Variants in GOT2 observed in about 807,000 individuals in gnomAD.
GOT2 encodes the protein aspartate aminotransferase, mitochondrial.
A neutral mutation model predicts 50.0 loss-of-function variants in GOT2; 17 were observed. That is an observed-to-expected ratio of 0.34 (90% CI 0.23 to 0.51). The LOEUF (loss-of-function observed/expected upper bound fraction) is 0.51, where lower values mean the gene tolerates loss of function less well. GOT2 is among the 20% of genes least tolerant of loss of function. The probability of loss-of-function intolerance (pLI) is 0.97; values close to 1 mark genes in which losing one functional copy is unlikely to be tolerated. For missense variants in GOT2, 430 were observed against 559.6 expected (o/e 0.77, Z 2.34); for synonymous variants, 172 against 204.9 (o/e 0.84, Z 1.37).
In GOT2 at chr16:58,716,438, G is replaced by A. The variant is rs928107996; in HGVS notation, c.853+225C>T. On this transcript the variant is annotated intron_variant, in intron 7 of 9. Transcript: ENST00000245206. ...TTGTTACTTTTTGTTTAGAGAAGCA[G>A]TAATCAGTTTCCTTTGCTGGAAAAA... The A allele has an allele frequency of 2.8e-5, 17 of 603,422 alleles. No individual in the cohort carries two copies. In the African/African-American group the frequency reaches 3.2e-4, roughly 11 times the overall value. The allele number at this position is 603,422 out of a possible 1,614,324, so 37.4% of individuals were successfully genotyped here.
chr16:58,709,700 C>CG, intron 8 of GOT2, 133 bp from the exon 9 acceptor site: 1 of 612,056 alleles, frequency 1.6e-6, no homozygotes, highest in Non-Finnish European at 2.8e-6. Context: ...GAGTGACACG[C>CG]TGTCACTGGC....
At chr16:58,727,587 G>A (rs1213302472) in intron 1 of GOT2, among the ~76,000 whole-genome samples, 1 of 152,098 alleles carries the variant, frequency 6.6e-6, no homozygotes, top group Non-Finnish European at 1.5e-5. Context: ...AATGCAGGCT[G>A]GGCACTGCAG....
chr16:58,712,350 A>G (rs1415238451), intron 8 of GOT2, among the ~76,000 whole-genome samples: 2 of 152,284 alleles, frequency 1.3e-5, no homozygotes, highest in East Asian at 3.9e-4. Flanking sequence ...AGTCTCTACT[A>G]AAAATACAGA....
rs1025994973 is a variant in GOT2 at position 58,716,390 on chromosome 16, A to T, written c.854-211T>A. 8 of 603,406 alleles carry T rather than the reference A, an allele frequency of 1.3e-5. No individual in the cohort carries two copies. The Admixed American group carries it at 2.8e-4, about 21-fold the overall frequency. The allele number at this position is 603,406 out of a possible 1,614,324, so 37.4% of individuals were successfully genotyped here. A position where few individuals can be genotyped will look rare whatever the true frequency, so the allele number is the denominator to read the frequency against. ...AGTATTCAAAGGTATTTTTTATTGT[A>T]TCTATCTTCTTGGCTCACGGATTTG... On this transcript the variant is annotated intron_variant, in intron 7 of 9. Transcript: ENST00000245206.
Position 58,709,461 on chromosome 16 carries a change from C to A in GOT2, c.1126G>T (p.Asp376Tyr). 1 of 1,613,854 alleles carries A rather than the reference C, an allele frequency of 6.2e-7. No individual in the cohort carries two copies. The highest frequency in any genetic ancestry group is 8.5e-7 in the Non-Finnish European group (1 of 1,179,764). ...GSTHNWQHIT[D>Y]QIGMFCFTGL... The stretch of plus-strand genomic sequence containing the variant: ...GTGAAACAGAACATGCCAATTTGGT[C>A]GGTGATGTGTTGCCAATTGTGGGTG... The change falls in exon 9 of 10, where the codon GAC becomes TAC. Residue 376 changes from aspartate to tyrosine, a missense_variant. By Grantham distance (160) the Asp-to-Tyr change is radical. Coordinates refer to ENST00000245206, the MANE Select transcript of GOT2 (RefSeq NM_002080.4).
At chr16:58,712,166 G>C (rs1300067718) in intron 8 of GOT2, among the ~76,000 whole-genome samples, 1 of 151,856 alleles carries the variant, frequency 6.6e-6, no homozygotes, top group Non-Finnish European at 1.5e-5. Flanking sequence ...CTCCCCACTA[G>C]AATCAACAGC....
chr16:58,734,193 C>T lies in GOT2; in HGVS notation c.36G>A (p.Gly12=). 2 of 1,337,184 alleles carry T rather than the reference C, an allele frequency of 1.5e-6. No homozygotes were observed. The highest frequency in any genetic ancestry group is 9.6e-7 in the Non-Finnish European group (1 of 1,038,116). The allele number at this position is 1,337,184 out of a possible 1,614,324, so 82.8% of individuals were successfully genotyped here. A position where few individuals can be genotyped will look rare whatever the true frequency, so the allele number is the denominator to read the frequency against. Residue 12 remains glycine (G), a synonymous_variant, in exon 1 of 10, where the codon GGG becomes GGA. Coordinates refer to ENST00000245206, the MANE Select transcript of GOT2 (RefSeq NM_002080.4). ...ALLHSGRVLP[G]IAAAFHPGLA... Reference sequence around the variant, plus strand: ...GGCCCGGGTGGAAGGCGGCGGCGATCCCGGGGAGGACGCGGCCGGAGTGCA... The same window carrying T: ...GGCCCGGGTGGAAGGCGGCGGCGATTCCGGGGAGGACGCGGCCGGAGTGCA...
At chr16:58,727,039 A>G (rs1422745389) in intron 1 of GOT2, among the ~76,000 whole-genome samples, 1 of 152,022 alleles carries the variant, frequency 6.6e-6, no homozygotes, top group South Asian at 2.1e-4. Context: ...CTTTAATCCT[A>G]GCTACTTGGG....
chr16:58,727,810 G>T (rs933370663), intron 1 of GOT2, among the ~76,000 whole-genome samples: 1 of 152,164 alleles, frequency 6.6e-6, no homozygotes, highest in African/African-American at 2.4e-5. Flanking sequence ...TAAGAATAAA[G>T]GCTCACGGTG....
chr16:58,733,417 G>A (rs998470004), intron 1 of GOT2, among the ~76,000 whole-genome samples: 5 of 152,146 alleles, frequency 3.3e-5, no homozygotes, highest in African/African-American at 1.2e-4. Context: ...AAAGAGCACA[G>A]GGAGATGGAG....
chr16:58,712,212 A>G (rs1332414068), intron 8 of GOT2, among the ~76,000 whole-genome samples: 1 of 152,044 alleles, frequency 6.6e-6, no homozygotes, highest in Admixed American at 6.6e-5. Flanking sequence ...ATTCTGTCTT[A>G]TATTAAATAT....
chr16:58,718,012 T>A lies in GOT2; in HGVS notation c.702+184A>T, dbSNP rs115129730. Among the ~76,000 whole-genome samples the A allele has an allele frequency of 9.7e-3, 1,474 of 152,342 alleles. 16 individuals carry two copies. The highest frequency in any genetic ancestry group is 0.033 in the African/African-American group (1,379 of 41,596). On this transcript the variant is annotated intron_variant, in intron 6 of 9. Transcript: ENST00000245206. ...AAAAAAAATTACTTTCAAATACTCA[T>A]GCGTCATCAATCCCAGAACTGCTAA...
chr16:58,714,415 A>G (rs1402641015), intron 8 of GOT2, among the ~76,000 whole-genome samples: 1 of 151,674 alleles, frequency 6.6e-6, no homozygotes, highest in Non-Finnish European at 1.5e-5. Flanking sequence ...AGCCGGGCGT[A>G]GTGGCGGGCG....
intron 2 of GOT2, among the ~76,000 whole-genome samples, chr16:58,723,295 T>C (rs542046251): frequency 1.3e-5 from 2 of 152,242 alleles, no homozygotes; most frequent in South Asian, 4.1e-4. Flanking sequence ...GAGGTGAAAA[T>C]TGCATAGCTC....
intron 8 of GOT2, among the ~76,000 whole-genome samples, chr16:58,710,275 AATGGTATGATC>A (rs1345601930): frequency 6.6e-6 from 1 of 151,892 alleles, no homozygotes; most frequent in Non-Finnish European, 1.5e-5. Flanking sequence ...TGGATAGTAC[AATGGTATGATC>A]ATGGCTCACT....
At chr16:58,722,081 A>AAAATTGTTT in intron 3 of GOT2, 69 bp downstream of exon 3, 2 of 1,578,348 alleles carry the variant, frequency 1.3e-6, no homozygotes, top group Non-Finnish European at 1.7e-6. Context: ...CGCCTGGCCT[A>AAAATTGTTT]AAATTGTTTA....
intron 8 of GOT2, 94 bp downstream of exon 8, chr16:58,715,920 G>C: frequency 1.1e-6 from 1 of 937,742 alleles, no homozygotes; most frequent in Non-Finnish European, 1.6e-6. Context: ...GAATCTATGG[G>C]GTACTGTATA....
intron 2 of GOT2, among the ~76,000 whole-genome samples, 161 bp from the exon 3 acceptor site, chr16:58,722,439 C>T (rs973582317): frequency 5.3e-5 from 8 of 150,878 alleles, no homozygotes; most frequent in East Asian, 2.0e-4. Flanking sequence ...AGTGTGATCT[C>T]GGCTCACTGC....
At chr16:58,714,962 C>T (rs1422431295) in intron 8 of GOT2, among the ~76,000 whole-genome samples, 1 of 152,004 alleles carries the variant, frequency 6.6e-6, no homozygotes, top group East Asian at 1.9e-4. Context: ...TGTGCCCAGA[C>T]TTAAATATAT....
Sources: allele counts gnomAD v4.1 joint callset (sites outside exome capture counted in the v4.1 genomes callset), GRCh38; gene constraint gnomAD v4.1.1; transcripts MANE v1.5; gene names NCBI Gene and HGNC (gene_info 2026-07-23, HGNC 2026-07-21).